The following NAV2 variants were observed in gnomAD, a reference collection of about 807,000 sequenced individuals.
NAV2 encodes the protein neuron navigator 2.
Under a neutral mutation model 223.2 loss-of-function variants are expected in NAV2, and 54 were observed. That is an observed-to-expected ratio of 0.24 (90% CI 0.19 to 0.30). The LOEUF (loss-of-function observed/expected upper bound fraction) is 0.30, where lower values mean the gene tolerates loss of function less well. Ranked by LOEUF, NAV2 falls within the 10% of genes least tolerant of loss-of-function variation. The pLI is 1.00. For synonymous variants in NAV2, 1,279 were observed against 1,239.3 expected, an observed-to-expected ratio of 1.03 and a Z score of -0.67; for missense variants, 2,806 against 3,147.5, an observed-to-expected ratio of 0.89 and a Z score of 2.60.
chr11:19,471,372 A>G (rs2041960215), intron 1 of NAV2, among the ~76,000 whole-genome samples: 1 of 152,216 alleles, frequency 6.6e-6, no homozygotes, highest in African/African-American at 2.4e-5. Context: ...TGTCCAGCAC[A>G]TACTCAGTGC....
intron 1 of NAV2, among the ~76,000 whole-genome samples, chr11:19,530,895 T>C (rs939782571): frequency 1.3e-5 from 2 of 152,222 alleles, no homozygotes; most frequent in African/African-American, 4.8e-5. Context: ...TATTCAGAAT[T>C]TGAACTCAGG....
At chr11:20,088,543 T>C (rs2060607975) in intron 26 of NAV2, among the ~76,000 whole-genome samples, 1 of 152,170 alleles carries the variant, frequency 6.6e-6, no homozygotes, top group African/African-American at 2.4e-5. Flanking sequence ...TCATTGTGTG[T>C]TTCTGAGAGC....
At chr11:19,958,816 G>GGC in intron 10 of NAV2, among the ~76,000 whole-genome samples, 5 of 152,206 alleles carry the variant, frequency 3.3e-5, no homozygotes, top group African/African-American at 1.2e-4. Context: ...GCATTGTCAT[G>GGC]TTATTATGAG....
intron 1 of NAV2, among the ~76,000 whole-genome samples, chr11:19,809,865 C>G (rs2058759949): frequency 6.6e-6 from 1 of 152,176 alleles, no homozygotes; most frequent in African/African-American, 2.4e-5. Flanking sequence ...AGGAAGAACA[C>G]AGAGGTAAAG....
chr11:19,887,329 C>T (rs765937352), intron 5 of NAV2, among the ~76,000 whole-genome samples: 8 of 151,958 alleles, frequency 5.3e-5, no homozygotes, highest in Middle Eastern at 3.2e-3. Flanking sequence ...TTATTGCCTC[C>T]CGGCCTCCCT....
chr11:19,981,039 C>G (rs1013937334), intron 10 of NAV2, among the ~76,000 whole-genome samples: 2 of 152,088 alleles, frequency 1.3e-5, no homozygotes, highest in Non-Finnish European at 2.9e-5. Flanking sequence ...CTCTGCCTGC[C>G]CTCCCTCTAC....
chr11:19,377,141 A>G (rs1217835184), intron 1 of NAV2, among the ~76,000 whole-genome samples: 1 of 152,176 alleles, frequency 6.6e-6, no homozygotes, highest in Non-Finnish European at 1.5e-5. Context: ...TTGTTTTCTC[A>G]ACAGCAATAT....
intron 1 of NAV2, among the ~76,000 whole-genome samples, chr11:19,797,740 G>A (rs2058008411): frequency 6.6e-6 from 1 of 152,086 alleles, no homozygotes; most frequent in South Asian, 2.1e-4. Flanking sequence ...CACTCTGTGT[G>A]GGGAGCTTAT....
At position 19,400,964 on chromosome 11, in the gene NAV2, G is replaced by A. The variant is rs371224422; in HGVS notation, c.75+49937G>A. 1.6e-3 allele frequency among the ~76,000 whole-genome samples: 248 copies of A among 151,938 alleles called. 2 individuals carry two copies. The highest frequency in any genetic ancestry group is 5.7e-3 in the African/African-American group (237 of 41,438). ...CTTGTCTTCTTATTGGAGCTTTTTA[G>A]CATTTGGTGTCAAAAGCTGAAGGTC... On this transcript the variant is annotated intron_variant, in intron 1 of 37. Coordinates refer to the NAV2 transcript ENST00000360655.
At chr11:19,694,771 A>G (rs749508320) in intron 1 of NAV2, among the ~76,000 whole-genome samples, 1 of 152,216 alleles carries the variant, frequency 6.6e-6, no homozygotes, top group Non-Finnish European at 1.5e-5. Context: ...CAAGGGACCA[A>G]CAGCTATTGC....
At position 19,476,598 on chromosome 11, in the gene NAV2, CA is replaced by C. The variant is rs376761301; in HGVS notation, c.75+125572del. ...TCCCCCTGAACTATGTTCTGAGTAA[CA>C]TTAGCTCTGTGGAACATGATAGGAT... On this transcript the variant is annotated intron_variant, in intron 1 of 37. Transcript: ENST00000360655. Among the ~76,000 whole-genome samples the C allele has an allele frequency of 6.9e-3, 1,047 of 152,256 alleles. 9 individuals carry two copies. Among genetic ancestry groups the C allele is most frequent in the African/African-American group, 0.024 (979 of 41,546 alleles).
intron 19 of NAV2, among the ~76,000 whole-genome samples, chr11:20,061,848 A>G (rs2153625471): frequency 6.6e-6 from 1 of 152,196 alleles, no homozygotes; most frequent in East Asian, 1.9e-4. Context: ...TATACAACTG[A>G]CAGATGCCAA....
chr11:19,895,100 C>CTTTCTTTTTTTTTTTTTTTTTTTTT (rs2041850879), intron 6 of NAV2, among the ~76,000 whole-genome samples: 1 of 105,084 alleles, frequency 9.5e-6, no homozygotes, highest in African/African-American at 3.2e-5. Flanking sequence ...TTTTCTTTTT[C>CTTTCTTTTTTTTTTTTTTTTTTTTT]TTTCTTTTTT....
At chr11:19,712,654 G>C (rs866489579), upstream of NAV2, 1 of 152,366 alleles carries the variant, frequency 6.6e-6, no homozygotes. Flanking sequence ...CCGCAAAGCG[G>C]CCACCAGCCC....
rs1002799815 is a variant in NAV2 at position 19,725,023 on chromosome 11, C to T, written c.267+11061C>T. On this transcript the variant is annotated intron_variant, in intron 1 of 37. Transcript: ENST00000349880. ...ATAGCATTTCAACACATTGTGCAAGCTAAAGCAGTTCATGTATGTAAAAGT... is the reference window on the plus strand; with the variant it reads ...ATAGCATTTCAACACATTGTGCAAGTTAAAGCAGTTCATGTATGTAAAAGT... Among the ~76,000 whole-genome samples the T allele has an allele frequency of 2.0e-5, 3 of 152,344 alleles. No individual in the cohort carries two copies. The South Asian group carries it at 6.2e-4, about 32-fold the overall frequency.
intron 37 of NAV2, 146 bp downstream of exon 37, chr11:20,114,941 C>T (rs2062933926): frequency 6.3e-6 from 5 of 791,654 alleles, no homozygotes; most frequent in Admixed American, 5.9e-5. Context: ...CCATTTTTGC[C>T]AATATTTTCT....
At chr11:19,386,612 A>C (rs1457454842) in intron 1 of NAV2, among the ~76,000 whole-genome samples, 5 of 152,112 alleles carry the variant, frequency 3.3e-5, no homozygotes, top group Non-Finnish European at 7.3e-5. Flanking sequence ...ACTTCTACCC[A>C]AGGATTTTTC....
chr11:19,767,562 G>A (rs1385187244), intron 1 of NAV2, among the ~76,000 whole-genome samples: 1 of 152,206 alleles, frequency 6.6e-6, no homozygotes, highest in Non-Finnish European at 1.5e-5. Flanking sequence ...TAGTCAAGTT[G>A]TATAAAGCAA....
chr11:19,781,781 C>G (rs1159333466), intron 1 of NAV2, among the ~76,000 whole-genome samples: 5 of 151,056 alleles, frequency 3.3e-5, no homozygotes, highest in African/African-American at 7.3e-5. Flanking sequence ...TAATCCCTAA[C>G]TTTATGGAGG....
Sources: gnomAD v4.1 joint callset for allele counts (sites outside exome capture counted in the v4.1 genomes callset) on GRCh38, gnomAD v4.1.1 for gene constraint, MANE v1.5 for transcripts, NCBI Gene and HGNC (gene_info 2026-07-23, HGNC 2026-07-21) for gene names.